The following ASIC2 variants were observed in gnomAD, a reference collection of about 807,000 sequenced individuals.
ASIC2 encodes the protein acid-sensing ion channel 2.
A neutral mutation model predicts 57.3 loss-of-function variants in ASIC2; 25 were observed. The observed-to-expected ratio is 0.44, with a 90% CI of 0.32 to 0.61. The LOEUF (loss-of-function observed/expected upper bound fraction) is 0.61. Among genes scored for constraint, ASIC2 ranks in the 20% least tolerant of loss-of-function variants. The pLI is 0.06. For synonymous variants in ASIC2, 319 were observed against 307.5 expected (o/e 1.04, Z -0.39); for missense variants, 641 against 738.1 (o/e 0.87, Z 1.52).
intron 1 of ASIC2, among the ~76,000 whole-genome samples, chr17:33,877,805 G>T (rs1914590711): frequency 6.6e-6 from 1 of 152,222 alleles, no homozygotes; most frequent in Non-Finnish European, 1.5e-5. Context: ...CAGACAGACT[G>T]CCTCCTCAAG....
intron 1 of ASIC2, among the ~76,000 whole-genome samples, chr17:33,683,546 T>A (rs1394854094): frequency 6.6e-6 from 1 of 151,948 alleles, no homozygotes; most frequent in African/African-American, 2.4e-5. Flanking sequence ...TAGTTTTTTT[T>A]TAAAAATCTT....
chr17:33,878,482 C>G (rs574423477), intron 1 of ASIC2, among the ~76,000 whole-genome samples: 2 of 152,026 alleles, frequency 1.3e-5, no homozygotes, highest in South Asian at 4.2e-4. Context: ...ATAGCCGATT[C>G]GATCAACTGG....
intron 1 of ASIC2, among the ~76,000 whole-genome samples, chr17:33,552,216 T>C (rs974704012): frequency 1.3e-5 from 2 of 152,186 alleles, no homozygotes; most frequent in Non-Finnish European, 2.9e-5. Flanking sequence ...AAATGAGAGA[T>C]GGTTTTCCTT....
At chr17:33,977,676 A>G (rs1411370931) in intron 1 of ASIC2, among the ~76,000 whole-genome samples, 1 of 152,076 alleles carries the variant, frequency 6.6e-6, no homozygotes, top group Non-Finnish European at 1.5e-5. Context: ...CCTACATCCT[A>G]TACCGTTTAC....
chr17:33,420,758 C>T (rs1377122003), intron 1 of ASIC2, among the ~76,000 whole-genome samples: 6 of 152,172 alleles, frequency 3.9e-5, no homozygotes, highest in Non-Finnish European at 8.8e-5. Flanking sequence ...CTTCAAGCTA[C>T]CAACACAGAA....
At chr17:33,707,788 A>T (rs945066394) in intron 1 of ASIC2, among the ~76,000 whole-genome samples, 3 of 152,190 alleles carry the variant, frequency 2.0e-5, no homozygotes, top group Non-Finnish European at 2.9e-5. Flanking sequence ...TGCAGAGATA[A>T]GCAGCTTCAT....
intron 1 of ASIC2, among the ~76,000 whole-genome samples, chr17:33,476,258 A>G (rs996423804): frequency 2.6e-5 from 4 of 151,874 alleles, no homozygotes; most frequent in Admixed American, 6.6e-5. Flanking sequence ...CATCACTGCG[A>G]CCTCCACCAT....
intron 1 of ASIC2, among the ~76,000 whole-genome samples, chr17:33,917,397 C>T (rs533580028): frequency 2.6e-5 from 4 of 152,282 alleles, no homozygotes; most frequent in African/African-American, 7.2e-5. Flanking sequence ...TTTTCTCAGT[C>T]CCTGAGGCTT....
chr17:33,587,224 C>G (rs955018322), intron 1 of ASIC2, among the ~76,000 whole-genome samples: 1 of 152,196 alleles, frequency 6.6e-6, no homozygotes, highest in Non-Finnish European at 1.5e-5. Context: ...GAAATATTTA[C>G]TATCTGATCC....
intron 1 of ASIC2, among the ~76,000 whole-genome samples, chr17:33,767,305 A>G (rs1344594947): frequency 6.6e-6 from 1 of 152,210 alleles, no homozygotes; most frequent in Non-Finnish European, 1.5e-5. Flanking sequence ...TTCATGTTTT[A>G]AATCAGACCA....
chr17:33,043,239 T>C (rs1167125037), intron 3 of ASIC2, among the ~76,000 whole-genome samples: 1 of 152,218 alleles, frequency 6.6e-6, no homozygotes, highest in African/African-American at 2.4e-5. Context: ...CCCGTTTTAC[T>C]GATGAGCAAA....
intron 1 of ASIC2, among the ~76,000 whole-genome samples, chr17:33,817,883 C>A (rs1207516305): frequency 2.0e-5 from 3 of 152,156 alleles, no homozygotes; most frequent in Non-Finnish European, 4.4e-5. Context: ...ATCTGGCAGC[C>A]AAGGCCAGAG....
At chr17:33,447,650 C>T (rs1301774199) in intron 1 of ASIC2, among the ~76,000 whole-genome samples, 1 of 152,086 alleles carries the variant, frequency 6.6e-6, no homozygotes, top group Non-Finnish European at 1.5e-5. Context: ...TTGAAAATTA[C>T]AGAAACTGAT....
At chr17:33,668,269 G>GTTT (rs1907540660) in intron 1 of ASIC2, among the ~76,000 whole-genome samples, 3 of 55,996 alleles carry the variant, frequency 5.4e-5, no homozygotes, top group African/African-American at 1.2e-4. Flanking sequence ...CCAATCAAAT[G>GTTT]TTCTTTTTTT....
intron 1 of ASIC2, among the ~76,000 whole-genome samples, chr17:33,523,441 T>A (rs931412070): frequency 1.3e-5 from 2 of 152,076 alleles, no homozygotes; most frequent in African/African-American, 4.8e-5. Flanking sequence ...GTATTTATAG[T>A]AGAGATGGAG....
intron 1 of ASIC2, among the ~76,000 whole-genome samples, chr17:33,333,645 T>A (rs1907402288): frequency 6.6e-6 from 1 of 152,190 alleles, no homozygotes; most frequent in Non-Finnish European, 1.5e-5. Context: ...AGTGAGTACA[T>A]ATTCCTTTCA....
At chr17:33,118,101 A>G (rs1390810847) in intron 1 of ASIC2, among the ~76,000 whole-genome samples, 12 of 152,220 alleles carry the variant, frequency 7.9e-5, no homozygotes, top group Non-Finnish European at 1.0e-4. Context: ...TTGAAAATCT[A>G]CATATGAGTT....
intron 1 of ASIC2, among the ~76,000 whole-genome samples, chr17:33,881,613 G>T (rs1203807718): frequency 2.0e-5 from 3 of 152,094 alleles, no homozygotes; most frequent in African/African-American, 7.2e-5. Flanking sequence ...AATAAAAGAG[G>T]ATACAAACAA....
chr17:33,221,568 A>C (rs2142098010), intron 1 of ASIC2, among the ~76,000 whole-genome samples: 1 of 152,312 alleles, frequency 6.6e-6, no homozygotes, highest in South Asian at 2.1e-4. Flanking sequence ...AGAAAAACAA[A>C]GTTATTTAAG....
Sources: allele counts gnomAD v4.1 joint callset (sites outside exome capture counted in the v4.1 genomes callset), GRCh38; gene constraint gnomAD v4.1.1; transcripts MANE v1.5; gene names NCBI Gene and HGNC (gene_info 2026-07-23, HGNC 2026-07-21).